COL5A1: variants seen among roughly 807,000 people sequenced by gnomAD.
COL5A1 encodes the protein collagen type V alpha 1 chain, also known as collagen alpha-1(V) chain.
Under a neutral mutation model 263.7 loss-of-function variants are expected in COL5A1, and 16 were observed. That is an observed-to-expected ratio of 0.06 (90% CI 0.04 to 0.09). The LOEUF (loss-of-function observed/expected upper bound fraction) is 0.09. Among genes scored for constraint, COL5A1 ranks in the 10% least tolerant of loss-of-function variants. The pLI is 1.00. For synonymous variants in COL5A1, 1,012 were observed against 1,004.5 expected (o/e 1.01, Z -0.14); for missense variants, 2,036 against 2,540.5 (o/e 0.80, Z 4.27).
At chr9:134,834,418 G>A (rs576320338) in intron 64 of COL5A1, among the ~76,000 whole-genome samples, 3 of 152,332 alleles carry the variant, frequency 2.0e-5, no homozygotes, top group South Asian at 2.1e-4. Flanking sequence ...GTGGGTGGAC[G>A]TGCAGGGAGA....
intron 48 of COL5A1, among the ~76,000 whole-genome samples, chr9:134,813,303 C>T (rs1361966018): frequency 6.6e-6 from 1 of 152,110 alleles, no homozygotes; most frequent in Non-Finnish European, 1.5e-5. Flanking sequence ...AAGCACCTCT[C>T]CCAGTTCCCC....
Position 134,820,155 on chromosome 9 carries a change from G to A in COL5A1, c.4486G>A (p.Glu1496Lys), listed in dbSNP as rs1232805081. The change falls in exon 58 of 66, where the codon GAA becomes AAA. Residue 1496 changes from glutamate (E) to lysine (K), a missense_variant. By Grantham distance (56) the Glu-to-Lys change is moderately conservative (BLOSUM62 1). Transcript: ENST00000371817. ...GLIGLIGPPGEQGEKGDRGLP... is the reference protein window; with the variant it reads ...GLIGLIGPPGKQGEKGDRGLP... ...GATCGGGCTCATCGGTCCTCCGGGTGAACAGGGTGAGAAGGGCGACCGTGG... is the reference window on the plus strand; with the variant it reads ...GATCGGGCTCATCGGTCCTCCGGGTAAACAGGGTGAGAAGGGCGACCGTGG... 1 of 1,613,902 alleles carries A rather than the reference G, an allele frequency of 6.2e-7. No individual in the cohort carries two copies. Among genetic ancestry groups the A allele is most frequent in the East Asian group, 2.2e-5 (1 of 44,896 alleles).
intron 30 of COL5A1, 101 bp downstream of exon 30, chr9:134,785,197 G>C: frequency 1.1e-6 from 1 of 876,072 alleles, no homozygotes; most frequent in Admixed American, 2.0e-5. Context: ...CTAGGCATGG[G>C]GTGGGGGTGA....
intron 58 of COL5A1, 21 bp from the exon 59 acceptor site, chr9:134,822,076 G>C (rs1039557108): frequency 6.2e-7 from 1 of 1,612,582 alleles, no homozygotes; most frequent in Non-Finnish European, 8.5e-7. Context: ...GTGATAACCT[G>C]CATTTTCTGG....
chr9:134,738,404 A>C (rs1835179637), intron 9 of COL5A1, 70 bp from the exon 10 acceptor site: 1 of 1,586,154 alleles, frequency 6.3e-7, no homozygotes, highest in Non-Finnish European at 8.6e-7. Context: ...AAGGCCGTCC[A>C]CACCACTGGG....
chr9:134,802,850 C>A, intron 38 of COL5A1, 38 bp from the exon 39 acceptor site: 1 of 1,476,684 alleles, frequency 6.8e-7, no homozygotes, highest in Non-Finnish European at 9.4e-7. Flanking sequence ...TTGCAAGTCA[C>A]TCGAAACGTC....
rs1427568302 is a variant in COL5A1, at chr9:134,754,360, G to A, written c.1827+34G>A. On this transcript the variant is annotated intron_variant, in intron 16 of 65. Transcript: ENST00000371817. This position sits in a 1 kb window ranked among gnomAD's most constrained non-coding sequence, Gnocchi z 4.3. ...TGCGAGTGTGTGTGGTTTAGTGACA[G>A]CAGCTTGGGCGCTGGAGGAGCCCAA... 1.9e-6 allele frequency: 3 copies of A among 1,613,438 alleles called. No individual in the cohort carries two copies. The highest frequency in any genetic ancestry group is 2.5e-6 in the Non-Finnish European group (3 of 1,179,784).
Position 134,642,240 on chromosome 9 carries a change from CGCTGCTGCCCCCGCT to C in COL5A1, c.62_76del (p.Pro21_Leu25del). On this transcript the variant is annotated inframe_deletion, in exon 1 of 66. Coordinates refer to ENST00000371817, the MANE Select transcript of COL5A1 (RefSeq NM_000093.5). This position sits in a 1 kb window ranked among gnomAD's most constrained non-coding sequence, Gnocchi z 4.5. ...CGCAGCGCGCTCCGCCCGGGCGCCC[CGCTGCTGCCCCCGCT>C]GCTGCTGCTGCTGCTGTGGGCGCCG... is the stretch of plus-strand genomic sequence containing the variant. The C allele has an allele frequency of 7.8e-7, 1 of 1,290,260 alleles. No homozygotes were observed. Among genetic ancestry groups the C allele is most frequent in the Non-Finnish European group, 9.9e-7 (1 of 1,014,318 alleles). 79.9% of individuals were successfully genotyped at this position (1,290,260 alleles called of 1,614,324 possible).
At position 134,811,604 on chromosome 9, in the gene COL5A1, C is replaced by CT; in HGVS notation, c.3690+6dup. On this transcript the variant is annotated splice_donor_region_variant and intron_variant, in intron 46 of 65. Transcript: ENST00000371817. The stretch of plus-strand genomic sequence containing the variant: ...CCTGGGCCAGTGGGGCTGCAGGTAA[C>CT]TGTGGGGTTCTCACCACACCGGGCT... 6.4e-7 allele frequency: 1 copy of CT among 1,551,126 alleles called. No homozygotes were observed. The highest frequency in any genetic ancestry group is 8.7e-7 in the Non-Finnish European group (1 of 1,145,756).
chr9:134,801,269 G>A (rs1483993297), intron 37 of COL5A1, among the ~76,000 whole-genome samples: 6 of 152,370 alleles, frequency 3.9e-5, no homozygotes, highest in South Asian at 4.1e-4. Flanking sequence ...AGGAGCACGC[G>A]GGCAGAGTCA....
Position 134,822,402 on chromosome 9 carries a change from G to A in COL5A1, c.4608+252G>A, listed in dbSNP as rs886599589. ...GGAAACGGTGGCCATTTCAGGGAAC[G>A]AGGCCACTTGTCTGTAGGCATCTGG... On this transcript the variant is annotated intron_variant, in intron 59 of 65. Transcript: ENST00000371817. 3.3e-5 allele frequency among the ~76,000 whole-genome samples: 5 copies of A among 152,294 alleles called. No individual in the cohort carries two copies. In the South Asian group the frequency reaches 6.2e-4, roughly 19 times the overall value.
In COL5A1 at chr9:134,811,603, A is replaced by G. The variant is rs1337589044; in HGVS notation, c.3690+4A>G. The G allele has an allele frequency of 6.4e-7, 1 of 1,552,364 alleles. No homozygotes were observed. Among genetic ancestry groups the G allele is most frequent in the Admixed American group, 2.0e-5 (1 of 51,178 alleles). ...CCCTGGGCCAGTGGGGCTGCAGGTA[A>G]CTGTGGGGTTCTCACCACACCGGGC... is the stretch of plus-strand genomic sequence containing the variant. On this transcript the variant is annotated splice_donor_region_variant and intron_variant, in intron 46 of 65. Coordinates refer to ENST00000371817, the MANE Select transcript of COL5A1 (RefSeq NM_000093.5).
In COL5A1 at chr9:134,809,165, ATCT is replaced by A. The variant is rs750002182; in HGVS notation, c.3367-14_3367-12del. 17 of 1,557,838 alleles carry A rather than the reference ATCT, an allele frequency of 1.1e-5. No individual in the cohort carries two copies. In the Admixed American group the frequency reaches 2.7e-4, roughly 24 times the overall value. The stretch of plus-strand genomic sequence containing the variant: ...AGGTTGGAGCCACGTTTGACCTGAG[ATCT>A]TCTGTATTCTCTAGGGCGAGAAAGG... On this transcript the variant is annotated splice_polypyrimidine_tract_variant and intron_variant, in intron 42 of 65. Transcript: ENST00000371817.
In COL5A1 at chr9:134,653,884, T is replaced by A. The variant is rs565452232; in HGVS notation, c.109+11588T>A. Among the ~76,000 whole-genome samples, 166 of 135,838 alleles carry A rather than the reference T, an allele frequency of 1.2e-3. 1 individual carries two copies. In the South Asian group the frequency reaches 0.016, roughly 13 times the overall value. The allele number at this position is 135,838 out of a possible 152,430, so 89.1% of individuals were successfully genotyped here. On this transcript the variant is annotated intron_variant, in intron 1 of 65. Transcript: ENST00000371817. ...TAGGGCCAGGCATCTGTAGGGCTGG[T>A]GTCTGTATGGCTGAGGGTGTGTAGG...
intron 39 of COL5A1, 131 bp downstream of exon 39, chr9:134,803,126 C>T: frequency 1.3e-6 from 1 of 785,900 alleles, no homozygotes; most frequent in Non-Finnish European, 2.2e-6. Context: ...CCGGTTCACT[C>T]CCCAGACCGC....
chr9:134,662,167 C>T (rs549949596), intron 1 of COL5A1, among the ~76,000 whole-genome samples: 200 of 147,268 alleles, frequency 1.4e-3, no homozygotes, highest in Non-Finnish European at 2.1e-3. Flanking sequence ...AAAAAAATTC[C>T]TCTGAAGGAG....
chr9:134,758,403 C>A lies in COL5A1; in HGVS notation c.1935+107C>A. ...CCTCAGATTTCCTGTGGGGTCAGGT[C>A]TCCGCCATTCCAACAGTCAGTATAC... is the stretch of plus-strand genomic sequence containing the variant. On this transcript the variant is annotated intron_variant, in intron 18 of 65. Transcript: ENST00000371817. The surrounding 1 kb of genome is among the most constrained non-coding windows in gnomAD (Gnocchi z 4.1). The A allele has an allele frequency of 9.0e-7, 1 of 1,113,014 alleles. No homozygotes were observed. Among genetic ancestry groups the A allele is most frequent in the South Asian group, 1.3e-5 (1 of 78,514 alleles). 68.9% of individuals were successfully genotyped at this position (1,113,014 alleles called of 1,614,324 possible). A position where few individuals can be genotyped will look rare whatever the true frequency, so the allele number is the denominator to read the frequency against.
chr9:134,803,259 A>G (rs1838177698), intron 39 of COL5A1, among the ~76,000 whole-genome samples: 1 of 152,194 alleles, frequency 6.6e-6, no homozygotes, highest in Non-Finnish European at 1.5e-5. Context: ...CCCAGCTGCC[A>G]GCCCTGCTCC....
chr9:134,825,856 C>G lies in COL5A1; in HGVS notation c.5019C>G (p.Phe1673Leu). ...SRDSFKVYCN[F>L]TAGGSTCVFP... ...ATTCCTTCAAGGTTTACTGCAACTTCACAGCCGGGGGGTCGACATGCGTCT... is the reference window on the plus strand; with the variant it reads ...ATTCCTTCAAGGTTTACTGCAACTTGACAGCCGGGGGGTCGACATGCGTCT... Residue 1673 changes from phenylalanine (F) to leucine (L), a missense_variant, in exon 63 of 66, where the codon TTC becomes TTG. This residue lies in a region of COL5A1 where 358 missense variants were observed against 384.6 expected (regional missense o/e 0.93). Transcript: ENST00000371817. 3 of 1,613,484 alleles carry G rather than the reference C, an allele frequency of 1.9e-6. No individual in the cohort carries two copies. The highest frequency in any genetic ancestry group is 2.5e-6 in the Non-Finnish European group (3 of 1,179,572).
Sources: allele counts gnomAD v4.1 joint callset (sites outside exome capture counted in the v4.1 genomes callset), GRCh38; gene constraint gnomAD v4.1.1; regional missense constraint gnomAD v4.1.1; non-coding constraint Gnocchi (gnomAD v3.1); transcripts MANE v1.5; gene names NCBI Gene and HGNC (gene_info 2026-07-23, HGNC 2026-07-21).